The following KLF13 variants were observed in gnomAD, a reference collection of about 807,000 sequenced individuals.
KLF13 encodes the protein KLF transcription factor 13.
A neutral mutation model predicts 16.7 loss-of-function variants in KLF13; 8 were observed. That is an observed-to-expected ratio of 0.48 (90% CI 0.28 to 0.87). The LOEUF is 0.87. KLF13 is among the 40% of genes least tolerant of loss of function. KLF13 has a pLI of 0.10. For missense variants in KLF13, 447 were observed against 452.2 expected, an observed-to-expected ratio of 0.99 and a Z score of 0.10; for synonymous variants, 245 against 208.4, an observed-to-expected ratio of 1.18 and a Z score of -1.51.
chr15:31,354,581 C>G (rs8036370), intron 1 of KLF13, among the ~76,000 whole-genome samples: 2 of 151,944 alleles, frequency 1.3e-5, no homozygotes, highest in African/African-American at 2.4e-5. Flanking sequence ...GGGGTTTCAC[C>G]GAAATGTTGG....
chr15:31,424,875 T>TCACACACACACACACACACACACACACA (rs71110875), intron 1 of KLF13, among the ~76,000 whole-genome samples: 6 of 146,314 alleles, frequency 4.1e-5, no homozygotes, highest in African/African-American at 1.3e-4. Context: ...TCTAGAGATT[T>TCACACACACACACACACACACACACACA]CACACACACA....
At chr15:31,340,847 C>T (rs558918415) in intron 1 of KLF13, among the ~76,000 whole-genome samples, 4 of 152,152 alleles carry the variant, frequency 2.6e-5, no homozygotes, top group South Asian at 2.1e-4. Context: ...CAAACCTGGG[C>T]GACACGGGGA....
chr15:31,412,145 A>C (rs1277521787), intron 1 of KLF13, among the ~76,000 whole-genome samples: 2 of 152,232 alleles, frequency 1.3e-5, no homozygotes. Context: ...CCTTATAAAA[A>C]AGGCTCAAGG....
chr15:31,367,788 G>T (rs892862799), intron 1 of KLF13, among the ~76,000 whole-genome samples: 1 of 152,200 alleles, frequency 6.6e-6, no homozygotes, highest in Admixed American at 6.5e-5. Flanking sequence ...GAGGCCGGTC[G>T]TGCGCAGCCC....
At chr15:31,344,402 G>C (rs979179046) in intron 1 of KLF13, among the ~76,000 whole-genome samples, 4 of 152,274 alleles carry the variant, frequency 2.6e-5, no homozygotes, top group Admixed American at 6.5e-5. Flanking sequence ...TGGCTGGCAA[G>C]GGCTCCAGGG....
rs1215155894 is a variant in KLF13 at position 31,375,916 on chromosome 15, C to A, written c.*3617C>A. ...CCTAACCCTGACTTTATTCCCAGGC[C>A]CCACACCGAGGCAGGTGCAGGATTC... On this transcript the variant is annotated 3_prime_UTR_variant, in exon 2 of 2. Coordinates refer to ENST00000307145, the MANE Select transcript of KLF13 (RefSeq NM_015995.4). The A allele has an allele frequency of 6.6e-6, 1 of 152,292 alleles. No individual in the cohort carries two copies. Among genetic ancestry groups the A allele is most frequent in the Non-Finnish European group, 1.5e-5 (1 of 68,102 alleles). The allele number at this position is 152,292 out of a possible 1,614,324, so 9.4% of individuals were successfully genotyped here. A position where few individuals can be genotyped will look rare whatever the true frequency, so the allele number is the denominator to read the frequency against.
intron 1 of KLF13, among the ~76,000 whole-genome samples, chr15:31,386,024 T>C (rs929340403): frequency 6.6e-6 from 1 of 152,258 alleles, no homozygotes; most frequent in Non-Finnish European, 1.5e-5. Flanking sequence ...ATTGCTGATA[T>C]GGAGAAAGTT....
At chr15:31,335,263 G>C (rs2038908266) in intron 1 of KLF13, among the ~76,000 whole-genome samples, 1 of 152,136 alleles carries the variant, frequency 6.6e-6, no homozygotes, top group East Asian at 1.9e-4. Context: ...GGGGAGACAT[G>C]AAGTTTGTTC....
At chr15:31,415,938 GA>G (rs1213615711) in intron 1 of KLF13, among the ~76,000 whole-genome samples, 13 of 148,780 alleles carry the variant, frequency 8.7e-5, no homozygotes, top group East Asian at 2.0e-4. Context: ...GGTTGAACAA[GA>G]AAAAAAAAGA....
At chr15:31,371,872 T>A in intron 1 of KLF13, 138 bp from the exon 2 acceptor site, 1 of 993,872 alleles carries the variant, frequency 1.0e-6, no homozygotes, top group South Asian at 1.7e-5. Context: ...GATGGATTTG[T>A]CACAGAAGCT....
chr15:31,404,069 C>G (rs762192223), exon 3 of KLF13: 2 of 152,258 alleles, frequency 1.3e-5, no homozygotes, highest in Non-Finnish European at 2.9e-5. Context: ...CTCTCCTCTC[C>G]GAACTCCCTG....
At chr15:31,337,250 G>A (rs1595454280) in intron 1 of KLF13, among the ~76,000 whole-genome samples, 1 of 152,148 alleles carries the variant, frequency 6.6e-6, no homozygotes, top group Admixed American at 6.5e-5. Flanking sequence ...TCCTTCTTCC[G>A]CCCGCCTTAC....
At chr15:31,392,351 C>T (rs948475486), upstream of KLF13, among the ~76,000 whole-genome samples, 1 of 152,216 alleles carries the variant, frequency 6.6e-6, no homozygotes, top group Non-Finnish European at 1.5e-5. Context: ...TAGACGCCAC[C>T]TCTTTGGCCG....
chr15:31,338,956 G>A (rs1479603574), intron 1 of KLF13, among the ~76,000 whole-genome samples: 1 of 152,050 alleles, frequency 6.6e-6, no homozygotes, highest in Non-Finnish European at 1.5e-5. Context: ...GAGGAGGGAG[G>A]GTGAAGGCAC....
intron 2 of KLF13, among the ~76,000 whole-genome samples, chr15:31,402,758 T>C (rs1383544703): frequency 5.3e-5 from 8 of 152,220 alleles, no homozygotes; most frequent in Non-Finnish European, 1.0e-4. Context: ...TCTAGACTTG[T>C]TTCTGTCAGA....
At chr15:31,408,463 G>T (rs1189435745), downstream of KLF13, among the ~76,000 whole-genome samples, 2 of 152,090 alleles carry the variant, frequency 1.3e-5, no homozygotes, top group Non-Finnish European at 2.9e-5. Context: ...TAAAATTCTC[G>T]CAAAATAGCC....
intron 1 of KLF13, among the ~76,000 whole-genome samples, chr15:31,354,003 G>A (rs967609756): frequency 2.6e-5 from 4 of 152,250 alleles, no homozygotes; most frequent in Admixed American, 6.5e-5. Flanking sequence ...CAGGACCCAG[G>A]TTGTAGTGTG....
intron 1 of KLF13, among the ~76,000 whole-genome samples, chr15:31,329,670 C>T (rs941661707): frequency 1.2e-4 from 18 of 152,238 alleles, no homozygotes; most frequent in African/African-American, 2.4e-5. Context: ...GGGCCAGTTT[C>T]CTCGGAGCGC....
At chr15:31,354,797 C>T (rs2039274395) in intron 1 of KLF13, among the ~76,000 whole-genome samples, 1 of 152,172 alleles carries the variant, frequency 6.6e-6, no homozygotes, top group African/African-American at 2.4e-5. Context: ...CTCTGCCCCT[C>T]CCCCACCACC....
Sources: allele counts gnomAD v4.1 joint callset (sites outside exome capture counted in the v4.1 genomes callset), GRCh38; gene constraint gnomAD v4.1.1; transcripts MANE v1.5; gene names NCBI Gene and HGNC (gene_info 2026-07-23, HGNC 2026-07-21).